The following ACKR3 variants were observed in gnomAD, a reference collection of about 807,000 sequenced individuals.
ACKR3 encodes the protein atypical chemokine receptor 3.
A neutral mutation model predicts 22.4 loss-of-function variants in ACKR3; 6 were observed. The observed-to-expected ratio is 0.27, with a 90% CI of 0.15 to 0.53. The LOEUF (loss-of-function observed/expected upper bound fraction) is 0.53. Among genes scored for constraint, ACKR3 ranks in the 20% least tolerant of loss-of-function variants. The probability of loss-of-function intolerance (pLI) is 0.96; values close to 1 mark genes in which losing one functional copy is unlikely to be tolerated. For missense variants in ACKR3, 396 were observed against 475.2 expected (o/e 0.83, Z 1.55); for synonymous variants, 209 against 205.2 (o/e 1.02, Z -0.16).
the ACKR3 span, among the ~76,000 whole-genome samples, chr2:236,549,455 A>C: frequency 1.2e-4 from 19 of 152,280 alleles, 1 homozygote; most frequent in Admixed American, 1.1e-3. This position sits in a 1 kb window ranked among gnomAD's most constrained non-coding sequence, Gnocchi z 5.3. Context: ...CCCCTCACAC[A>C]GTGAGGTGGC....
chr2:236,543,941 GTATATATATATATATATA>G, the ACKR3 span, among the ~76,000 whole-genome samples: 1,262 of 57,768 alleles, frequency 0.022, 31 homozygotes, highest in Non-Finnish European at 0.039. Context: ...TGGGAGAAGG[GTATATATATATATATATA>G]TATATATATA....
upstream of ACKR3, chr2:236,569,668 T>G (rs1691266242): frequency 6.6e-6 from 1 of 150,670 alleles, no homozygotes; most frequent in South Asian, 2.1e-4. Flanking sequence ...AACAGACTAG[T>G]GAGGTTTACA....
At chr2:236,539,254 GTCTCTCTC>G in the ACKR3 span, among the ~76,000 whole-genome samples, 2 of 143,080 alleles carry the variant, frequency 1.4e-5, no homozygotes, top group Non-Finnish European at 3.1e-5. Flanking sequence ...GTGTGTGTGT[GTCTCTCTC>G]TCTCTCTCTC....
In ACKR3 at chr2:236,582,150, TGTTTTG is replaced by T. The variant is rs1223976863; in HGVS notation, c.*597_*602del. ...TTACCATAGTTTTATATCTGTGTGG[TGTTTTG>T]TACCGGCACGGGATATGGAACGAAA... On this transcript the variant is annotated 3_prime_UTR_variant, in exon 2 of 2. Transcript: ENST00000272928. The T allele has an allele frequency of 7.2e-5, 12 of 166,804 alleles. No individual in the cohort carries two copies. The highest frequency in any genetic ancestry group is 2.6e-4 in the Admixed American group (4 of 15,250). 10.3% of individuals were successfully genotyped at this position (166,804 alleles called of 1,614,324 possible).
Position 236,581,151 on chromosome 2 carries a change from C to G in ACKR3, c.686C>G (p.Ala229Gly), listed in dbSNP as rs1285452155. ...TTTGCCGTTCCCTTCTCCATTATCG[C>G]TGTCTTCTACTTCCTGCTGGCCAGA... ...LGFAVPFSII[A>G]VFYFLLARAI... The change falls in exon 2 of 2, where the codon GCT (alanine) becomes GGT (glycine). Residue 229 changes from alanine to glycine, a missense_variant. Ala to Gly is a moderately conservative substitution (Grantham distance 60). Transcript: ENST00000272928. This position sits in a 1 kb window ranked among gnomAD's most constrained non-coding sequence, Gnocchi z 4.4. 1.7e-5 allele frequency: 27 copies of G among 1,614,088 alleles called. No individual in the cohort carries two copies. The highest frequency in any genetic ancestry group is 2.3e-5 in the Non-Finnish European group (27 of 1,180,014).
chr2:236,542,789 G>T, the ACKR3 span, among the ~76,000 whole-genome samples: 15 of 148,542 alleles, frequency 1.0e-4, no homozygotes, highest in Admixed American at 3.3e-4. Flanking sequence ...ATAATTATCC[G>T]ACAGCATGTG....
At chr2:236,576,715 C>A (rs1276595946) in intron 1 of ACKR3, among the ~76,000 whole-genome samples, 1 of 152,220 alleles carries the variant, frequency 6.6e-6, no homozygotes, top group Non-Finnish European at 1.5e-5. Flanking sequence ...GAGCCTTTGT[C>A]GCAGGCCACC....
chr2:236,581,479 A>G lies in ACKR3; in HGVS notation c.1014A>G (p.Thr338=). Reference sequence around the variant, plus strand: ...TCATCTTCAAGTACTCGGCCAAAACAGGGCTCACCAAGCTCATCGATGCCT... The same window carrying G: ...TCATCTTCAAGTACTCGGCCAAAACGGGGCTCACCAAGCTCATCGATGCCT... ...KAFIFKYSAK[T]GLTKLIDASR... is the part of the protein sequence containing the mutation. Residue 338 remains threonine, a synonymous_variant, in exon 2 of 2, where the codon ACA becomes ACG. Coordinates refer to ENST00000272928, the MANE Select transcript of ACKR3 (RefSeq NM_020311.3). This position sits in a 1 kb window ranked among gnomAD's most constrained non-coding sequence, Gnocchi z 4.4. The G allele has an allele frequency of 1.2e-6, 2 of 1,614,152 alleles. No homozygotes were observed. The highest frequency in any genetic ancestry group is 1.7e-6 in the Non-Finnish European group (2 of 1,180,024).
At chr2:236,566,903 C>CTTT (rs1691195859), upstream of ACKR3, among the ~76,000 whole-genome samples, 1 of 147,280 alleles carries the variant, frequency 6.8e-6, no homozygotes, top group South Asian at 2.1e-4. Context: ...TCTGTCTCTC[C>CTTT]CTCTTTCTTT....
rs1037856390 is a variant in ACKR3, at chr2:236,577,629, C to T, written c.-26-2811C>T. On this transcript the variant is annotated intron_variant, in intron 1 of 1. Transcript: ENST00000272928. This position sits in a 1 kb window ranked among gnomAD's most constrained non-coding sequence, Gnocchi z 5.6. ...CTGTCCATGCTGAGCAGTGGCCAGGCGCCTGGCCAGCCGGCATCTGACATG... is the reference window on the plus strand; with the variant it reads ...CTGTCCATGCTGAGCAGTGGCCAGGTGCCTGGCCAGCCGGCATCTGACATG... Among the ~76,000 whole-genome samples the T allele has an allele frequency of 4.6e-5, 7 of 151,844 alleles. No individual in the cohort carries two copies. Among genetic ancestry groups the T allele is most frequent in the African/African-American group, 9.7e-5 (4 of 41,314 alleles).
the ACKR3 span, among the ~76,000 whole-genome samples, chr2:236,557,981 G>C: frequency 6.6e-6 from 1 of 152,186 alleles, no homozygotes; most frequent in South Asian, 2.1e-4. Context: ...AAAGTCAAGG[G>C]AAGACTGAGA....
At chr2:236,561,737 T>C in the ACKR3 span, among the ~76,000 whole-genome samples, 6 of 152,312 alleles carry the variant, frequency 3.9e-5, no homozygotes, top group African/African-American at 1.4e-4. Context: ...GGTGATCCAC[T>C]CACCTTGGCC....
chr2:236,544,664 G>C, the ACKR3 span, among the ~76,000 whole-genome samples: 2 of 152,146 alleles, frequency 1.3e-5, no homozygotes, highest in Non-Finnish European at 2.9e-5. This position sits in a 1 kb window ranked among gnomAD's most constrained non-coding sequence, Gnocchi z 5.0. Context: ...GACGGTCCCC[G>C]GGATTCTGGG....
the ACKR3 span, among the ~76,000 whole-genome samples, chr2:236,548,341 T>C: frequency 6.6e-6 from 1 of 152,224 alleles, no homozygotes; most frequent in Non-Finnish European, 1.5e-5. This position sits in a 1 kb window ranked among gnomAD's most constrained non-coding sequence, Gnocchi z 4.3. Context: ...GGCTACTGCA[T>C]GAAGGCCTAC....
At chr2:236,539,254 GTCTC>G in the ACKR3 span, among the ~76,000 whole-genome samples, 641 of 143,082 alleles carry the variant, frequency 4.5e-3, 2 homozygotes, top group East Asian at 0.036. Context: ...GTGTGTGTGT[GTCTC>G]TCTCTCTCTC....
At chr2:236,563,297 C>T (rs1691108301), upstream of ACKR3, among the ~76,000 whole-genome samples, 3 of 152,184 alleles carry the variant, frequency 2.0e-5, no homozygotes, top group Admixed American at 6.5e-5. Flanking sequence ...TTATGGGCAT[C>T]CGGCACGCGC....
At chr2:236,541,560 G>A in the ACKR3 span, among the ~76,000 whole-genome samples, 1 of 152,176 alleles carries the variant, frequency 6.6e-6, no homozygotes, top group Non-Finnish European at 1.5e-5. Flanking sequence ...GGTTGCCTGT[G>A]TCCTAGCACA....
At chr2:236,571,266 C>T (rs1485107997) in intron 1 of ACKR3, among the ~76,000 whole-genome samples, 1 of 152,144 alleles carries the variant, frequency 6.6e-6, no homozygotes, top group Non-Finnish European at 1.5e-5. Flanking sequence ...CTTTTTTCCC[C>T]AGTCTCTGCC....
At chr2:236,543,407 A>G in the ACKR3 span, among the ~76,000 whole-genome samples, 1 of 152,224 alleles carries the variant, frequency 6.6e-6, no homozygotes, top group Non-Finnish European at 1.5e-5. Flanking sequence ...GCAAAGTTTG[A>G]GGCCACTCTG....
Sources: gnomAD v4.1 joint callset for allele counts (sites outside exome capture counted in the v4.1 genomes callset) on GRCh38, gnomAD v4.1.1 for gene constraint, Gnocchi (gnomAD v3.1) non-coding constraint, MANE v1.5 for transcripts, NCBI Gene and HGNC (gene_info 2026-07-23, HGNC 2026-07-21) for gene names.